The following IL1RAPL2 variants were observed in gnomAD, a reference collection of about 807,000 sequenced individuals.
IL1RAPL2 encodes the protein X-linked interleukin-1 receptor accessory protein-like 2.
Under a neutral mutation model 44.1 loss-of-function variants are expected in IL1RAPL2, and 3 were observed. The ratio of observed to expected loss-of-function variants is 0.07; its 90% confidence interval spans 0.03 to 0.18. The LOEUF (loss-of-function observed/expected upper bound fraction) is 0.18, where lower values mean the gene tolerates loss of function less well. IL1RAPL2 is among the 10% of genes least tolerant of loss of function. IL1RAPL2 has a pLI of 1.00. For synonymous variants in IL1RAPL2, 181 were observed against 178.8 expected (o/e 1.01, Z -0.10); for missense variants, 391 against 496.4 (o/e 0.79, Z 2.02).
chrX:104,950,875 T>G (rs1028268121), intron 2 of IL1RAPL2, among the ~76,000 whole-genome samples: 6 of 111,013 alleles, frequency 5.4e-5, no homozygotes, highest in African/African-American at 2.0e-4. Flanking sequence ...GCCCGGCTAA[T>G]TCTGGTGCGC....
At chrX:104,727,815 A>G (rs772756416) in intron 2 of IL1RAPL2, among the ~76,000 whole-genome samples, 11 of 110,211 alleles carry the variant, frequency 1.0e-4, no homozygotes, top group Admixed American at 2.9e-4. Flanking sequence ...TTTTGCAGCA[A>G]CATGGATGGA....
intron 4 of IL1RAPL2, among the ~76,000 whole-genome samples, chrX:105,263,671 T>C (rs2034378279): frequency 9.1e-6 from 1 of 110,313 alleles, no homozygotes; most frequent in African/African-American, 3.3e-5. Flanking sequence ...CCTAGGAAGG[T>C]GGGGAGGGAG....
chrX:105,652,819 A>G (rs995101512), intron 6 of IL1RAPL2, among the ~76,000 whole-genome samples: 8 of 111,483 alleles, frequency 7.2e-5, no homozygotes, highest in African/African-American at 2.3e-4. Context: ...ACTAATTTTT[A>G]TAGTAGTGTA....
chrX:104,730,792 C>T (rs1931898538), intron 2 of IL1RAPL2, among the ~76,000 whole-genome samples: 3 of 109,788 alleles, frequency 2.7e-5, no homozygotes, highest in South Asian at 8.1e-4. Flanking sequence ...CCTGAGGAAT[C>T]GCCACACTGA....
intron 2 of IL1RAPL2, among the ~76,000 whole-genome samples, chrX:104,847,116 GC>G (rs1922073993): frequency 9.0e-6 from 1 of 111,293 alleles, no homozygotes; most frequent in Non-Finnish European, 1.9e-5. Context: ...TGAGTATATT[GC>G]AAAAATTTTC....
At chrX:104,981,056 TG>T (rs1239071833) in intron 2 of IL1RAPL2, among the ~76,000 whole-genome samples, 2 of 25,195 alleles carry the variant, frequency 7.9e-5, no homozygotes, top group East Asian at 1.2e-3. Flanking sequence ...TCCAAGGTAT[TG>T]TGTGTGTGTG....
chrX:105,742,730 T>C (rs779508575), intron 8 of IL1RAPL2, among the ~76,000 whole-genome samples: 4 of 111,565 alleles, frequency 3.6e-5, no homozygotes, highest in Non-Finnish European at 7.5e-5. Context: ...TTACCACTTA[T>C]ATGCTAACTA....
rs745691873 is a variant in IL1RAPL2, at chrX:105,589,043, C to T, written c.772+104656C>T. Among the ~76,000 whole-genome samples, 28 of 111,875 alleles carry T rather than the reference C, an allele frequency of 2.5e-4. No individual in the cohort carries two copies. The South Asian group carries it at 0.01, about 40-fold the overall frequency. Reference sequence around the variant, plus strand: ...TCTTTTTTCTCCACAACCTTGCCAACATCTGTTAATTTTTGACTTTTTGAT... The same window carrying T: ...TCTTTTTTCTCCACAACCTTGCCAATATCTGTTAATTTTTGACTTTTTGAT... On this transcript the variant is annotated intron_variant, in intron 6 of 10. Coordinates refer to ENST00000372582, the MANE Select transcript of IL1RAPL2 (RefSeq NM_017416.2).
chrX:105,183,151 G>A (rs969099118), intron 2 of IL1RAPL2, among the ~76,000 whole-genome samples: 4 of 111,297 alleles, frequency 3.6e-5, no homozygotes, highest in Non-Finnish European at 5.7e-5. Context: ...GGCAGGGCAG[G>A]ATGACCCACT....
At chrX:105,331,355 T>C (rs768894504) in intron 5 of IL1RAPL2, among the ~76,000 whole-genome samples, 4 of 111,926 alleles carry the variant, frequency 3.6e-5, no homozygotes, top group Non-Finnish European at 7.5e-5. Flanking sequence ...TGCTTGCTTA[T>C]TAAAATACAT....
At chrX:105,405,142 G>A (rs747100503) in intron 5 of IL1RAPL2, among the ~76,000 whole-genome samples, 40 of 111,158 alleles carry the variant, frequency 3.6e-4, no homozygotes, top group African/African-American at 1.1e-3. Flanking sequence ...TTTGATTTTT[G>A]GAGTTTCAAA....
intron 2 of IL1RAPL2, among the ~76,000 whole-genome samples, chrX:104,930,776 G>T (rs772462844): frequency 5.7e-4 from 64 of 111,724 alleles, no homozygotes; most frequent in African/African-American, 2.0e-3. Flanking sequence ...TAGCCATATT[G>T]CATTCATTAA....
intron 2 of IL1RAPL2, among the ~76,000 whole-genome samples, chrX:105,134,589 C>T (rs927773878): frequency 2.7e-5 from 3 of 111,431 alleles, no homozygotes; most frequent in Non-Finnish European, 3.8e-5. Context: ...CTTAATACTA[C>T]TGTCTACAGG....
intron 5 of IL1RAPL2, among the ~76,000 whole-genome samples, chrX:105,310,899 G>C (rs1323103915): frequency 9.0e-6 from 1 of 111,486 alleles, no homozygotes; most frequent in Admixed American, 9.6e-5. Flanking sequence ...TACCAATGCA[G>C]AAAAAGGAAT....
At chrX:105,011,083 T>G (rs919280377) in intron 2 of IL1RAPL2, among the ~76,000 whole-genome samples, 2 of 110,974 alleles carry the variant, frequency 1.8e-5, no homozygotes, top group Admixed American at 1.9e-4. Context: ...TGACTCCAAA[T>G]CCTGGCTCTG....
chrX:104,877,952 A>C (rs943138093), intron 2 of IL1RAPL2, among the ~76,000 whole-genome samples: 1 of 112,263 alleles, frequency 8.9e-6, no homozygotes, highest in African/African-American at 3.2e-5. Flanking sequence ...ACACAGTAGC[A>C]CATTATTGGC....
rs150237207 is a variant in IL1RAPL2, at chrX:105,410,685, A to G, written c.698-73628A>G. On this transcript the variant is annotated intron_variant, in intron 5 of 10. Coordinates refer to ENST00000372582, the MANE Select transcript of IL1RAPL2 (RefSeq NM_017416.2). ...TCCAGCAAAGTAAGTTATCCTTCAG[A>G]AATGAAGTAGGAATAAAAACCCCCT... is the stretch of plus-strand genomic sequence containing the variant. Among the ~76,000 whole-genome samples, 599 of 112,054 alleles carry G rather than the reference A, an allele frequency of 5.3e-3. 5 individuals carry two copies. The highest frequency in any genetic ancestry group is 0.018 in the African/African-American group (567 of 30,949).
chrX:104,677,328 A>C (rs904289647), intron 2 of IL1RAPL2, among the ~76,000 whole-genome samples: 3 of 109,722 alleles, frequency 2.7e-5, no homozygotes, highest in Non-Finnish European at 5.7e-5. Context: ...CCGGACCCTC[A>C]GCTGCAGGTC....
chrX:105,481,575 T>C (rs2036233098), intron 5 of IL1RAPL2, among the ~76,000 whole-genome samples: 1 of 112,425 alleles, frequency 8.9e-6, no homozygotes, highest in Non-Finnish European at 1.9e-5. Context: ...GTCATTTCCA[T>C]ACATGAAATA....
Sources: gnomAD v4.1 joint callset for allele counts (sites outside exome capture counted in the v4.1 genomes callset) on GRCh38, gnomAD v4.1.1 for gene constraint, MANE v1.5 for transcripts, NCBI Gene and HGNC (gene_info 2026-07-23, HGNC 2026-07-21) for gene names.